Variants in ADGRL2 observed in about 807,000 individuals in gnomAD.
ADGRL2 encodes adhesion G protein-coupled receptor L2, also known as calcium-independent alpha-latrotoxin receptor 2.
In ADGRL2, 44 loss-of-function variants were observed where a neutral mutation model predicts 157.4. That is an observed-to-expected ratio of 0.28 (90% CI 0.22 to 0.36). ADGRL2 has a LOEUF of 0.36. Ranked by LOEUF, ADGRL2 falls within the 10% of genes least tolerant of loss-of-function variation. The probability of loss-of-function intolerance (pLI) is 1.00; values close to 1 mark genes in which losing one functional copy is unlikely to be tolerated. For missense variants in ADGRL2, 1,510 were observed against 1,768.9 expected (o/e 0.85, Z 2.63); for synonymous variants, 585 against 624.7 (o/e 0.94, Z 0.95).
intron 2 of ADGRL2, among the ~76,000 whole-genome samples, chr1:81,452,977 C>G (rs1557699520): frequency 6.6e-6 from 1 of 152,162 alleles, no homozygotes; most frequent in Non-Finnish European, 1.5e-5. Context: ...ATATTGCCAG[C>G]AAGAGGTCTG....
intron 2 of ADGRL2, among the ~76,000 whole-genome samples, chr1:81,839,123 A>G (rs1467866291): frequency 1.3e-5 from 2 of 152,210 alleles, no homozygotes; most frequent in African/African-American, 2.4e-5. Flanking sequence ...GAAGGCAGAT[A>G]TGAATTTAAC....
intron 2 of ADGRL2, among the ~76,000 whole-genome samples, chr1:81,881,236 C>T (rs562822104): frequency 2.0e-5 from 3 of 152,216 alleles, no homozygotes; most frequent in Non-Finnish European, 2.9e-5. Context: ...AGTGCAGTGG[C>T]GCGATCTTGG....
intron 2 of ADGRL2, among the ~76,000 whole-genome samples, chr1:81,529,992 C>T (rs1251044678): frequency 6.6e-6 from 1 of 152,216 alleles, no homozygotes; most frequent in African/African-American, 2.4e-5. Flanking sequence ...TACGCAATAA[C>T]ATGCCCAAGG....
intron 1 of ADGRL2, among the ~76,000 whole-genome samples, chr1:81,390,398 C>A (rs116323652): frequency 0.035 from 5,236 of 149,696 alleles, no homozygotes; most frequent in Non-Finnish European, 0.047. Flanking sequence ...AGGCACGAAC[C>A]AAATATTAGC....
chr1:81,581,521 C>A (rs539973879), intron 3 of ADGRL2, among the ~76,000 whole-genome samples: 6 of 152,062 alleles, frequency 3.9e-5, no homozygotes, highest in Non-Finnish European at 8.8e-5. Flanking sequence ...AGCATTAGCT[C>A]GTCTAAATAT....
intron 11 of ADGRL2, among the ~76,000 whole-genome samples, chr1:81,959,879 C>T (rs1024624467): frequency 1.3e-5 from 2 of 151,856 alleles, no homozygotes; most frequent in African/African-American, 4.8e-5. Context: ...TGGCTCATTG[C>T]AGCCTCCGCC....
chr1:81,939,017 TATG>T (rs2095350200), intron 4 of ADGRL2, among the ~76,000 whole-genome samples: 1 of 151,604 alleles, frequency 6.6e-6, no homozygotes, highest in South Asian at 2.1e-4. Context: ...TAACATTTAT[TATG>T]TGTTTTTTAC....
At chr1:81,499,052 C>A (rs1001545569) in intron 2 of ADGRL2, among the ~76,000 whole-genome samples, 3 of 152,164 alleles carry the variant, frequency 2.0e-5, no homozygotes, top group Non-Finnish European at 2.9e-5. Context: ...GGCAGCTTAC[C>A]AAAGGCACAG....
At chr1:81,762,732 C>A (rs1355500582) in intron 2 of ADGRL2, among the ~76,000 whole-genome samples, 1 of 152,018 alleles carries the variant, frequency 6.6e-6, no homozygotes, top group African/African-American at 2.4e-5. Flanking sequence ...AGGAGAGAGA[C>A]TTGGCAGTAT....
At chr1:81,326,111 T>C (rs1428652359) in intron 1 of ADGRL2, among the ~76,000 whole-genome samples, 2 of 152,188 alleles carry the variant, frequency 1.3e-5, no homozygotes, top group Non-Finnish European at 1.5e-5. Flanking sequence ...TGATTACATA[T>C]GGAGAGTGGG....
At chr1:81,938,866 A>G (rs760590482) in intron 4 of ADGRL2, among the ~76,000 whole-genome samples, 8 of 151,414 alleles carry the variant, frequency 5.3e-5, no homozygotes, top group Non-Finnish European at 1.0e-4. Flanking sequence ...ACCTCTGTCC[A>G]TTGTATTCAT....
At chr1:81,316,545 A>G (rs1660120481) in intron 1 of ADGRL2, among the ~76,000 whole-genome samples, 1 of 152,202 alleles carries the variant, frequency 6.6e-6, no homozygotes, top group Admixed American at 6.5e-5. Context: ...TAAAGAGGAA[A>G]ATAATGAAAC....
At chr1:81,654,264 C>A (rs1042749081) in intron 3 of ADGRL2, among the ~76,000 whole-genome samples, 1 of 152,130 alleles carries the variant, frequency 6.6e-6, no homozygotes, top group Non-Finnish European at 1.5e-5. Flanking sequence ...TTTCTTGATG[C>A]CTTTGTTTCC....
Position 81,990,447 on chromosome 1 carries a change from G to T in ADGRL2, c.3712G>T (p.Gly1238Cys). The change falls in exon 24 of 24, where the codon GGT becomes TGT. Residue 1238 changes from glycine (G) to cysteine (C), a missense_variant. Physicochemically the swap from Gly to Cys is radical, Grantham distance 159 (BLOSUM62 -3). This residue lies in a region of ADGRL2 where 327 missense variants were observed against 310.1 expected (regional missense o/e 1.05). Coordinates refer to ENST00000686636, the MANE Select transcript of ADGRL2 (RefSeq NM_001366006.2). Reference protein sequence around the residue: ...TSAMDTLPLNGNFNNSYSLHK... With the variant: ...TSAMDTLPLNCNFNNSYSLHK... ...TGCCATGGATACTCTACCGCTAAAT[G>T]GTAATTTTAACAACAGCTACTCGCT... The T allele has an allele frequency of 3.1e-6, 5 of 1,614,030 alleles. No homozygotes were observed. The highest frequency in any genetic ancestry group is 4.2e-6 in the Non-Finnish European group (5 of 1,179,948).
At chr1:81,981,093 G>T (rs1459374808) in intron 18 of ADGRL2, 2 of 435,500 alleles carry the variant, frequency 4.6e-6, no homozygotes, top group Non-Finnish European at 4.4e-6. Context: ...TAATAATTTT[G>T]TTTCTCTTTT....
chr1:81,374,578 G>GAAAAAAACAAAACAAA (rs1553158621), intron 1 of ADGRL2, among the ~76,000 whole-genome samples: 20 of 130,270 alleles, frequency 1.5e-4, no homozygotes, highest in East Asian at 4.4e-4. Context: ...TCTCAAAAAA[G>GAAAAAAACAAAACAAA]AAAAAAAAAA....
intron 3 of ADGRL2, among the ~76,000 whole-genome samples, chr1:81,590,956 C>G: frequency 6.6e-6 from 1 of 152,130 alleles, no homozygotes; most frequent in East Asian, 1.9e-4. Context: ...AGGATCCACT[C>G]CCAGGCATAC....
rs184572561 is a variant in ADGRL2, at chr1:81,821,114, A to G, written c.-100-15771A>G. 2.6e-5 allele frequency among the ~76,000 whole-genome samples: 4 copies of G among 152,326 alleles called. No individual in the cohort carries two copies. The East Asian group carries it at 5.8e-4, about 22-fold the overall frequency. ...GGAAGTTAATTAAATATGGTTGTCA[A>G]TACTGTAGTTGTGAATTTTATTTAA... On this transcript the variant is annotated intron_variant, in intron 1 of 23. Transcript: ENST00000686636.
intron 3 of ADGRL2, among the ~76,000 whole-genome samples, chr1:81,610,248 T>TTTTTTTTTTTGA (rs2081514698): frequency 6.6e-6 from 1 of 151,038 alleles, no homozygotes; most frequent in African/African-American, 2.4e-5. Context: ...TTTTTTTTTT[T>TTTTTTTTTTTGA]GAAGGTCTCT....
Sources: allele counts gnomAD v4.1 joint callset (sites outside exome capture counted in the v4.1 genomes callset), GRCh38; gene constraint gnomAD v4.1.1; regional missense constraint gnomAD v4.1.1; transcripts MANE v1.5; gene names NCBI Gene and HGNC (gene_info 2026-07-23, HGNC 2026-07-21).